The following TULP4 variants were observed in gnomAD, a reference collection of about 807,000 sequenced individuals.
TULP4 encodes the protein tubby-related protein 4.
A neutral mutation model predicts 129.0 loss-of-function variants in TULP4; 16 were observed. The observed-to-expected ratio is 0.12, with a 90% CI of 0.08 to 0.19. The LOEUF (loss-of-function observed/expected upper bound fraction) is 0.19. Ranked by LOEUF, TULP4 falls within the 10% of genes least tolerant of loss-of-function variation. The pLI is 1.00. For missense variants in TULP4, 1,842 were observed against 2,059.1 expected (o/e 0.89, Z 2.04); for synonymous variants, 998 against 854.0 (o/e 1.17, Z -2.94).
At chr6:158,325,596 C>A (rs1221263324) in intron 1 of TULP4, among the ~76,000 whole-genome samples, 1 of 152,116 alleles carries the variant, frequency 6.6e-6, no homozygotes, top group East Asian at 1.9e-4. Context: ...TCGTGATCCG[C>A]CCGCCTCGGC....
At chr6:158,461,487 TG>T (rs1382786882) in intron 5 of TULP4, 75 bp from the exon 6 acceptor site, 4 of 1,424,402 alleles carry the variant, frequency 2.8e-6, no homozygotes, top group Non-Finnish European at 3.8e-6. Flanking sequence ...TTTAAACTAC[TG>T]AAGACAGTAG....
At chr6:158,440,306 AG>A (rs1199973896) in intron 3 of TULP4, among the ~76,000 whole-genome samples, 1 of 121,248 alleles carries the variant, frequency 8.2e-6, no homozygotes, top group Non-Finnish European at 1.7e-5. Context: ...TGACAGAGTG[AG>A]TCCCTGTCTC....
chr6:158,444,006 T>C (rs371172335), intron 3 of TULP4, among the ~76,000 whole-genome samples: 3 of 151,834 alleles, frequency 2.0e-5, no homozygotes, highest in East Asian at 1.9e-4. Flanking sequence ...GATCACAAGG[T>C]CAGGAGATTG....
At chr6:158,254,317 AT>A (rs35499061) in intron 1 of TULP4, among the ~76,000 whole-genome samples, 26,226 of 151,900 alleles carry the variant, frequency 0.17, 2,701 homozygotes, top group Middle Eastern at 0.24. Context: ...TAATTTTTGT[AT>A]TTTTAGTAGA....
chr6:158,312,141 AGT>A (rs551341835), upstream of TULP4: 2,151 of 398,298 alleles, frequency 5.4e-3, 16 homozygotes, highest in Non-Finnish European at 4.3e-3. Flanking sequence ...GCAGTTGAAG[AGT>A]GTGTGTCTAT....
intron 1 of TULP4, among the ~76,000 whole-genome samples, chr6:158,298,979 C>G (rs944573665): frequency 1.3e-5 from 2 of 152,186 alleles, no homozygotes; most frequent in Non-Finnish European, 2.9e-5. Context: ...GGGGATTTAT[C>G]ATGGAGTTCA....
In TULP4 at chr6:158,493,654, C is replaced by T; in HGVS notation, c.1713C>T (p.Arg571=). 6.3e-7 allele frequency: 1 copy of T among 1,599,600 alleles called. No homozygotes were observed. Among genetic ancestry groups the T allele is most frequent in the African/African-American group, 1.3e-5 (1 of 74,152 alleles). The change falls in exon 10 of 14, where the codon CGC becomes CGT. Residue 571 remains arginine (R), a synonymous_variant. Coordinates refer to ENST00000367097, the MANE Select transcript of TULP4 (RefSeq NM_020245.5). The surrounding 1 kb of genome is among the most constrained non-coding windows in gnomAD (Gnocchi z 4.4). ...CCCGGTCCCCACGGTTGCCCCTGCG[C>T]AAGCCCTCTGTGGGCTCGCCCAGCC... ...ELSRSPRLPL[R]KPSVGSPSLT... is the part of the protein sequence containing the mutation.
chr6:158,466,341 A>G (rs1242918633), intron 6 of TULP4, among the ~76,000 whole-genome samples: 1 of 152,142 alleles, frequency 6.6e-6, no homozygotes, highest in African/African-American at 2.4e-5. Context: ...CAAGGATTCT[A>G]GTTTTTCCAC....
At chr6:158,477,501 A>G (rs548990393) in intron 6 of TULP4, among the ~76,000 whole-genome samples, 3 of 152,370 alleles carry the variant, frequency 2.0e-5, no homozygotes, top group Non-Finnish European at 4.4e-5. Flanking sequence ...GCAGCCAACA[A>G]GCATATGAAA....
At chr6:158,286,032 A>G (rs1007142864) in intron 1 of TULP4, among the ~76,000 whole-genome samples, 1 of 152,246 alleles carries the variant, frequency 6.6e-6, no homozygotes, top group African/African-American at 2.4e-5. Context: ...TTTACTCATC[A>G]TGATGTAAAT....
At chr6:158,410,888 G>A (rs769238995) in intron 1 of TULP4, among the ~76,000 whole-genome samples, 9 of 152,064 alleles carry the variant, frequency 5.9e-5, no homozygotes, top group Non-Finnish European at 1.2e-4. Flanking sequence ...TGTGTACAAA[G>A]GACTGTATTA....
intron 2 of TULP4, among the ~76,000 whole-genome samples, chr6:158,416,546 A>G (rs1378256183): frequency 6.6e-6 from 1 of 152,234 alleles, no homozygotes; most frequent in Non-Finnish European, 1.5e-5. Flanking sequence ...TTTAAGTGTT[A>G]TTACAAAAGG....
At chr6:158,288,518 T>TTA (rs1778868539) in intron 1 of TULP4, among the ~76,000 whole-genome samples, 1 of 151,774 alleles carries the variant, frequency 6.6e-6, no homozygotes, top group Admixed American at 6.6e-5. Context: ...TTTTTTTTTT[T>TTA]AAGAAGGAGT....
At chr6:158,469,917 G>A (rs145774879) in intron 6 of TULP4, among the ~76,000 whole-genome samples, 3 of 152,068 alleles carry the variant, frequency 2.0e-5, no homozygotes, top group African/African-American at 7.2e-5. Flanking sequence ...GCTGCTTCCA[G>A]AATGGCGGCG....
chr6:158,348,721 G>A (rs1470163063), intron 1 of TULP4, among the ~76,000 whole-genome samples: 2 of 151,828 alleles, frequency 1.3e-5, no homozygotes, highest in Non-Finnish European at 2.9e-5. Context: ...CTCCCAGATG[G>A]GGCGGCTGGG....
chr6:158,340,688 C>T (rs546113139), intron 1 of TULP4, among the ~76,000 whole-genome samples: 6 of 152,288 alleles, frequency 3.9e-5, no homozygotes, highest in South Asian at 4.1e-4. Context: ...CCTACCTCCT[C>T]GACAAAGCGC....
At chr6:158,341,442 A>G (rs950255731) in intron 1 of TULP4, among the ~76,000 whole-genome samples, 1 of 152,144 alleles carries the variant, frequency 6.6e-6, no homozygotes, top group Non-Finnish European at 1.5e-5. Context: ...TTTGTTTTGG[A>G]TATTTACCTA....
At chr6:158,243,639 G>A (rs1262828880) in intron 1 of TULP4, among the ~76,000 whole-genome samples, 2 of 151,472 alleles carry the variant, frequency 1.3e-5, no homozygotes, top group Admixed American at 1.3e-4. Context: ...TATTTCTTGT[G>A]TTTCCTGTAC....
chr6:158,436,172 G>T (rs1778748533), intron 3 of TULP4, among the ~76,000 whole-genome samples: 1 of 152,260 alleles, frequency 6.6e-6, no homozygotes, highest in African/African-American at 2.4e-5. Context: ...CTCCTAAAGT[G>T]CTGGGACTAC....
Sources: allele counts gnomAD v4.1 joint callset (sites outside exome capture counted in the v4.1 genomes callset), GRCh38; gene constraint gnomAD v4.1.1; non-coding constraint Gnocchi (gnomAD v3.1); transcripts MANE v1.5; gene names NCBI Gene and HGNC (gene_info 2026-07-23, HGNC 2026-07-21).